Variants in NUP43 observed in about 807,000 individuals in gnomAD.
The protein encoded by NUP43 is nucleoporin 43.
In NUP43, 32 loss-of-function variants were observed where a neutral mutation model predicts 47.3. That is an observed-to-expected ratio of 0.68 (90% CI 0.51 to 0.91). The LOEUF (loss-of-function observed/expected upper bound fraction) is 0.91, where lower values mean the gene tolerates loss of function less well. NUP43 is among the 40% of genes least tolerant of loss of function. The pLI is 0.00. For synonymous variants in NUP43, 147 were observed against 158.4 expected (o/e 0.93, Z 0.54); for missense variants, 444 against 453.9 (o/e 0.98, Z 0.20).
upstream of NUP43, chr6:149,746,560 C>CT (rs765272500): frequency 4.6e-5 from 74 of 1,613,146 alleles, 1 homozygote; most frequent in Middle Eastern, 3.3e-4. Flanking sequence ...AGCACCGCCT[C>CT]TTCCCGCGGA....
In NUP43 at chr6:149,746,061, T is replaced by A. The variant is rs1385537290; in HGVS notation, c.122A>T (p.Glu41Val). Reference protein sequence around the residue: ...TFATGSWDNEENYISLWSIGD... With the variant: ...TFATGSWDNEVNYISLWSIGD... The stretch of plus-strand genomic sequence containing the variant: ...AATAGACCACAGTGAAATATAATTT[T>A]CCTGTAAAACAGAAAGTTTTGTCTT... Residue 41 changes from glutamate to valine, a missense_variant and splice_region_variant, in exon 2 of 8, where the codon GAA becomes GTA. Transcript: ENST00000340413. 6.2e-7 allele frequency: 1 copy of A among 1,611,378 alleles called. No homozygotes were observed. The highest frequency in any genetic ancestry group is 8.5e-7 in the Non-Finnish European group (1 of 1,179,492).
intron 7 of NUP43, chr6:149,727,629 T>C: frequency 1.2e-6 from 1 of 805,316 alleles, no homozygotes; most frequent in Non-Finnish European, 1.5e-6. Context: ...GACATATTTC[T>C]AGATGAACAT....
chr6:149,727,765 T>C, intron 7 of NUP43: 2 of 983,878 alleles, frequency 2.0e-6, no homozygotes, highest in Non-Finnish European at 2.4e-6. Flanking sequence ...AGAACACTAC[T>C]AGATTATAAG....
intron 3 of NUP43, among the ~76,000 whole-genome samples, chr6:149,743,027 T>G (rs1785746942): frequency 1.3e-5 from 2 of 151,784 alleles, no homozygotes; most frequent in Admixed American, 1.3e-4. Flanking sequence ...AATACAAAAA[T>G]TTGCTAGGTG....
At chr6:149,746,246 G>A (rs1304830764) in intron 1 of NUP43, 130 bp downstream of exon 1, 10 of 1,424,260 alleles carry the variant, frequency 7.0e-6, no homozygotes, top group Non-Finnish European at 9.6e-6. Flanking sequence ...AACCGCGCCT[G>A]AGACAGGGGT....
chr6:149,736,008 C>T (rs1785327784), intron 6 of NUP43, among the ~76,000 whole-genome samples: 3 of 143,714 alleles, frequency 2.1e-5, no homozygotes, highest in South Asian at 2.2e-4. Flanking sequence ...CCAGGCACGG[C>T]GGCTCATGCC....
Position 149,738,751 on chromosome 6 carries a change from G to A in NUP43, c.530C>T (p.Ala177Val). 1 of 1,586,104 alleles carries A rather than the reference G, an allele frequency of 6.3e-7. No individual in the cohort carries two copies. Among genetic ancestry groups the A allele is most frequent in the Non-Finnish European group, 8.6e-7 (1 of 1,167,624 alleles). ...CTCAGGAGTTCGAAGAAAGGTTACA[G>A]CATGGAGTGTACTACTATCTGCATT... Reference protein sequence around the residue: ...IDNADSSTLHAVTFLRTPEIL... With the variant: ...IDNADSSTLHVVTFLRTPEIL... Residue 177 changes from alanine to valine, a missense_variant, in exon 5 of 8, where the codon GCT becomes GTT. Physicochemically the swap from Ala to Val is moderately conservative, Grantham distance 64 (BLOSUM62 0). Transcript: ENST00000340413.
chr6:149,737,279 G>A (rs1278996176), intron 5 of NUP43, among the ~76,000 whole-genome samples: 2 of 149,158 alleles, frequency 1.3e-5, no homozygotes, highest in African/African-American at 2.5e-5. Flanking sequence ...GTAAGACTCT[G>A]TCTCAAAGAA....
intron 7 of NUP43, chr6:149,728,356 G>A: frequency 1.2e-5 from 12 of 984,910 alleles, no homozygotes; most frequent in Non-Finnish European, 1.4e-5. Context: ...AGGGGAGGAA[G>A]GAAGTAAAAA....
rs569980325 is a variant in NUP43 at position 149,736,065 on chromosome 6, G to A, written c.790+406C>T. Among the ~76,000 whole-genome samples the A allele has an allele frequency of 1.8e-4, 27 of 150,752 alleles. No individual in the cohort carries two copies. In the East Asian group the frequency reaches 4.9e-3, roughly 27 times the overall value. Reference sequence around the variant, plus strand: ...GGCCGAGCTGGGCAGATCACCTCAGGTCAGGAGTTCAAGACCAGCCTGACC... The same window carrying A: ...GGCCGAGCTGGGCAGATCACCTCAGATCAGGAGTTCAAGACCAGCCTGACC... On this transcript the variant is annotated intron_variant, in intron 6 of 7. Coordinates refer to ENST00000340413, the MANE Select transcript of NUP43 (RefSeq NM_198887.3).
chr6:149,744,068 G>A (rs1384240356), intron 2 of NUP43, among the ~76,000 whole-genome samples: 1 of 151,888 alleles, frequency 6.6e-6, no homozygotes, highest in Non-Finnish European at 1.5e-5. Context: ...GAGCTCAGGA[G>A]TTCAAGACCA....
At chr6:149,737,547 A>C (rs1422704207) in intron 5 of NUP43, among the ~76,000 whole-genome samples, 1 of 152,174 alleles carries the variant, frequency 6.6e-6, no homozygotes, top group Non-Finnish European at 1.5e-5. Context: ...TACAGGCATG[A>C]GTCACCATGC....
chr6:149,728,945 G>A (rs1224611413), intron 7 of NUP43, among the ~76,000 whole-genome samples: 1 of 152,084 alleles, frequency 6.6e-6, no homozygotes, highest in Non-Finnish European at 1.5e-5. Context: ...CTACTCTGCT[G>A]TATTCTTCTT....
At chr6:149,744,507 A>G (rs1415036001) in intron 2 of NUP43, among the ~76,000 whole-genome samples, 1 of 145,246 alleles carries the variant, frequency 6.9e-6, no homozygotes, top group Non-Finnish European at 1.5e-5. Context: ...TGGGTGACAG[A>G]GCAAGACTCG....
At chr6:149,733,446 TTCTC>T (rs139910123) in intron 6 of NUP43, among the ~76,000 whole-genome samples, 1 of 152,118 alleles carries the variant, frequency 6.6e-6, no homozygotes, top group Admixed American at 6.6e-5. Context: ...CTCAAAGAAA[TTCTC>T]TCTCTCTTTT....
chr6:149,745,292 C>T lies in NUP43; in HGVS notation c.243+648G>A, dbSNP rs1460799625. 2.0e-5 allele frequency among the ~76,000 whole-genome samples: 3 copies of T among 150,260 alleles called. No homozygotes were observed. The Admixed American group carries it at 2.0e-4, about 10-fold the overall frequency. On this transcript the variant is annotated intron_variant, in intron 2 of 7. Coordinates refer to ENST00000340413, the MANE Select transcript of NUP43 (RefSeq NM_198887.3). ...GCCTGCGCCTGTAGTCCCAGCTACCCGGGAGGCTGAGGCAGGAGAATCGCT... is the reference window on the plus strand; with the variant it reads ...GCCTGCGCCTGTAGTCCCAGCTACCTGGGAGGCTGAGGCAGGAGAATCGCT...
chr6:149,741,794 C>T (rs545905102), intron 4 of NUP43, among the ~76,000 whole-genome samples: 8 of 152,260 alleles, frequency 5.3e-5, no homozygotes, highest in Non-Finnish European at 7.4e-5. Flanking sequence ...CATGAGCCAC[C>T]GTGCCTGGCA....
In NUP43 at chr6:149,727,202, G is replaced by A; in HGVS notation, c.914-4C>T. ...AAAAAAGTACTGCTTCTTCCTCCTG[G>A]GAGAAAAAAAGAAAAGGAAGAAATC... On this transcript the variant is annotated splice_region_variant and splice_polypyrimidine_tract_variant and intron_variant, in intron 7 of 7. Coordinates refer to ENST00000340413, the MANE Select transcript of NUP43 (RefSeq NM_198887.3). The A allele has an allele frequency of 1.2e-6, 2 of 1,605,508 alleles. No individual in the cohort carries two copies. Among genetic ancestry groups the A allele is most frequent in the South Asian group, 1.1e-5 (1 of 89,786 alleles).
chr6:149,744,672 CT>C (rs1785867694), intron 2 of NUP43, among the ~76,000 whole-genome samples: 2 of 151,622 alleles, frequency 1.3e-5, no homozygotes, highest in African/African-American at 4.8e-5. Context: ...TCCATCTCTA[CT>C]AAAAATACAA....
Sources: gnomAD v4.1 joint callset for allele counts (sites outside exome capture counted in the v4.1 genomes callset) on GRCh38, gnomAD v4.1.1 for gene constraint, MANE v1.5 for transcripts, NCBI Gene and HGNC (gene_info 2026-07-23, HGNC 2026-07-21) for gene names.